The following SCFD1 variants were observed in gnomAD, a reference collection of about 807,000 sequenced individuals.
SCFD1 encodes the protein sec1 family domain-containing protein 1.
A neutral mutation model predicts 103.2 loss-of-function variants in SCFD1; 37 were observed. That is an observed-to-expected ratio of 0.36 (90% CI 0.28 to 0.47). The LOEUF is 0.47. SCFD1 is among the 20% of genes least tolerant of loss of function. The pLI, the probability that SCFD1 is intolerant of heterozygous loss-of-function variation, is 1.00. For missense variants in SCFD1, 639 were observed against 761.2 expected (o/e 0.84, Z 1.89); for synonymous variants, 264 against 245.0 (o/e 1.08, Z -0.73).
intron 14 of SCFD1, among the ~76,000 whole-genome samples, chr14:30,681,383 T>C (rs1889466454): frequency 1.3e-5 from 2 of 152,178 alleles, no homozygotes; most frequent in Admixed American, 1.3e-4. Flanking sequence ...TTATATTTTT[T>C]ATACTTGCCA....
chr14:30,676,373 G>A (rs1889036105), intron 14 of SCFD1: 1 of 152,202 alleles, frequency 6.6e-6, no homozygotes, highest in Non-Finnish European at 1.5e-5. Flanking sequence ...AACAGAGTAA[G>A]CAAATTAGAA....
chr14:30,656,821 G>A (rs1886952964), intron 10 of SCFD1, among the ~76,000 whole-genome samples: 1 of 152,138 alleles, frequency 6.6e-6, no homozygotes, highest in Non-Finnish European at 1.5e-5. Context: ...AAAGAACAGG[G>A]AAAGTTTAGA....
At position 30,661,819 on chromosome 14, in the gene SCFD1, TG is replaced by T. The variant is rs1160824042; in HGVS notation, c.855+8232del. 2.0e-5 allele frequency among the ~76,000 whole-genome samples: 3 copies of T among 152,160 alleles called. No individual in the cohort carries two copies. The East Asian group carries it at 5.8e-4, about 29-fold the overall frequency. On this transcript the variant is annotated intron_variant, in intron 10 of 24. Transcript: ENST00000458591. ...CTCTTGTGGAAATTAGTTTTAGGGA[TG>T]AGCTTTGAAAAATAAATTTTTCACA...
chr14:30,622,305 C>T, upstream of SCFD1: 1 of 1,594,008 alleles, frequency 6.3e-7, no homozygotes, highest in Non-Finnish European at 8.5e-7. Flanking sequence ...CCCCGCTCCG[C>T]TCCCCAGCCG....
rs150417150 is a variant in SCFD1 at position 30,631,821 on chromosome 14, G to A, written c.221+1256G>A. Among the ~76,000 whole-genome samples, 610 of 152,098 alleles carry A rather than the reference G, an allele frequency of 4.0e-3. 4 individuals are homozygous for A. The highest frequency in any genetic ancestry group is 0.014 in the African/African-American group (588 of 41,502). On this transcript the variant is annotated intron_variant, in intron 3 of 24. Transcript: ENST00000458591. Reference sequence around the variant, plus strand: ...AGCACTTCTGGAGGCCCGGGTGGGCGGATCACTTGAGGTCAGGAGTTCGAG... The same window carrying A: ...AGCACTTCTGGAGGCCCGGGTGGGCAGATCACTTGAGGTCAGGAGTTCGAG...
chr14:30,692,070 G>T (rs1890353170), intron 14 of SCFD1, among the ~76,000 whole-genome samples: 1 of 151,902 alleles, frequency 6.6e-6, no homozygotes, highest in Non-Finnish European at 1.5e-5. Context: ...ACAGGAATGT[G>T]CCACTGCACC....
At chr14:30,638,271 G>A (rs772816546) in intron 5 of SCFD1, 24 bp downstream of exon 5, 1 of 1,612,322 alleles carries the variant, frequency 6.2e-7, no homozygotes, top group Non-Finnish European at 8.5e-7. Context: ...GTGGGTTGAT[G>A]ACATTTTGTC....
intron 23 of SCFD1, among the ~76,000 whole-genome samples, chr14:30,724,244 G>GTTTT (rs1268662400): frequency 1.2e-4 from 15 of 127,256 alleles, no homozygotes; most frequent in African/African-American, 4.8e-4. Flanking sequence ...CTTTTTTATG[G>GTTTT]GTTTTTTTTT....
intron 15 of SCFD1, among the ~76,000 whole-genome samples, chr14:30,697,073 G>A (rs1220025916): frequency 6.6e-6 from 1 of 152,058 alleles, no homozygotes; most frequent in African/African-American, 2.4e-5. Context: ...ATGTTGGGGG[G>A]GGCGGTGTAT....
At chr14:30,709,344 C>T (rs1438084759) in intron 19 of SCFD1, among the ~76,000 whole-genome samples, 1 of 151,966 alleles carries the variant, frequency 6.6e-6, no homozygotes, top group Non-Finnish European at 1.5e-5. Flanking sequence ...CTTGCCCAGG[C>T]TGGAGTGCAG....
chr14:30,675,249 A>G (rs1888933202), intron 14 of SCFD1, 184 bp downstream of exon 14: 1 of 406,058 alleles, frequency 2.5e-6, no homozygotes, highest in Non-Finnish European at 4.5e-6. Flanking sequence ...CCAGAAAGAT[A>G]AGTGATTTCC....
At chr14:30,727,610 T>C (rs1282909242) in intron 23 of SCFD1, among the ~76,000 whole-genome samples, 1 of 152,242 alleles carries the variant, frequency 6.6e-6, no homozygotes, top group Non-Finnish European at 1.5e-5. Context: ...GCTCCCAGGC[T>C]CTTACGAGAT....
intron 10 of SCFD1, among the ~76,000 whole-genome samples, chr14:30,668,275 C>T (rs1888202826): frequency 6.6e-6 from 1 of 152,040 alleles, no homozygotes. Flanking sequence ...CTTTGACAAA[C>T]CTGACAAAAA....
intron 23 of SCFD1, among the ~76,000 whole-genome samples, chr14:30,733,901 C>G (rs1020075047): frequency 2.0e-5 from 3 of 152,006 alleles, no homozygotes; most frequent in African/African-American, 7.3e-5. Context: ...TCTAATGTTT[C>G]CCTGTGCCTG....
chr14:30,727,186 GGCA>G (rs1893105200), intron 23 of SCFD1, among the ~76,000 whole-genome samples: 4 of 152,274 alleles, frequency 2.6e-5, no homozygotes, highest in African/African-American at 9.6e-5. Flanking sequence ...AAGGTACATA[GGCA>G]TTAGAGCACA....
intron 7 of SCFD1, among the ~76,000 whole-genome samples, chr14:30,645,173 C>A (rs1194348292): frequency 6.6e-6 from 1 of 152,038 alleles, no homozygotes; most frequent in Non-Finnish European, 1.5e-5. Flanking sequence ...GGTTCTCTAA[C>A]CTGTTCCATT....
chr14:30,706,726 T>C (rs1171149096), intron 18 of SCFD1, among the ~76,000 whole-genome samples: 1 of 152,214 alleles, frequency 6.6e-6, no homozygotes, highest in Non-Finnish European at 1.5e-5. Context: ...TTTGGTACCA[T>C]ACAGTTTCCA....
At chr14:30,643,457 T>G in intron 7 of SCFD1, 52 bp downstream of exon 7, 3 of 1,240,662 alleles carry the variant, frequency 2.4e-6, no homozygotes, top group Non-Finnish European at 3.6e-6. Flanking sequence ...ATTTAACAAG[T>G]AATTTTAATG....
chr14:30,637,119 T>G (rs1884803267), intron 4 of SCFD1, among the ~76,000 whole-genome samples: 1 of 152,008 alleles, frequency 6.6e-6, no homozygotes, highest in Non-Finnish European at 1.5e-5. Flanking sequence ...TGTTCTTAGG[T>G]CCTCTCAATG....
Sources: gnomAD v4.1 joint callset for allele counts (sites outside exome capture counted in the v4.1 genomes callset) on GRCh38, gnomAD v4.1.1 for gene constraint, MANE v1.5 for transcripts, NCBI Gene and HGNC (gene_info 2026-07-23, HGNC 2026-07-21) for gene names.